The following PTPN13 variants were observed in gnomAD, a reference collection of about 807,000 sequenced individuals.
The protein encoded by PTPN13 is tyrosine-protein phosphatase non-receptor type 13.
In PTPN13, 191 loss-of-function variants were observed where a neutral mutation model predicts 284.0. The observed-to-expected ratio is 0.67, with a 90% CI of 0.60 to 0.76. The LOEUF is 0.76. PTPN13 is among the 30% of genes least tolerant of loss of function. The probability of loss-of-function intolerance (pLI) is 0.00; values close to 1 mark genes in which losing one functional copy is unlikely to be tolerated. For synonymous variants in PTPN13, 986 were observed against 1,022.3 expected (o/e 0.96, Z 0.68); for missense variants, 2,797 against 2,939.9 (o/e 0.95, Z 1.12).
chr4:86,632,506 T>G (rs1314702061), intron 1 of PTPN13, among the ~76,000 whole-genome samples: 2 of 152,154 alleles, frequency 1.3e-5, no homozygotes, highest in African/African-American at 4.8e-5. Flanking sequence ...TCACTGGAAC[T>G]ACACTACATG....
At chr4:86,776,050 G>A (rs1481570282) in intron 35 of PTPN13, among the ~76,000 whole-genome samples, 2 of 152,090 alleles carry the variant, frequency 1.3e-5, no homozygotes, top group Admixed American at 1.3e-4. Flanking sequence ...GATTCAAGCA[G>A]ATCTCCTGCC....
intron 7 of PTPN13, 146 bp from the exon 8 acceptor site, chr4:86,716,384 C>T (rs1458822566): frequency 1.2e-5 from 7 of 571,352 alleles, no homozygotes; most frequent in Non-Finnish European, 1.8e-5. Flanking sequence ...ATTATTGGAA[C>T]GCATTATTTG....
At position 86,732,545 on chromosome 4, in the gene PTPN13, C is replaced by G. The variant is rs140845604; in HGVS notation, c.1684-47C>G. ...GTAGTGTTAAAAACCAGTTAAAATT[C>G]TTATAATGCTTATTTTAATAAATGC... is the stretch of plus-strand genomic sequence containing the variant. On this transcript the variant is annotated intron_variant, in intron 11 of 47. Transcript: ENST00000411767. 1.7e-4 allele frequency: 274 copies of G among 1,594,206 alleles called. 1 individual carries two copies. In the African/African-American group the frequency reaches 3.4e-3, roughly 20 times the overall value.
At chr4:86,678,522 C>G (rs1261252954) in intron 3 of PTPN13, among the ~76,000 whole-genome samples, 1 of 152,156 alleles carries the variant, frequency 6.6e-6, no homozygotes, top group Non-Finnish European at 1.5e-5. Flanking sequence ...ATCTCTAGCA[C>G]CATGCTCTTG....
rs1490298951 is a variant in PTPN13 at position 86,766,454 on chromosome 4, T to C, written c.4266T>C (p.Asn1422=). Residue 1422 remains asparagine (N), a synonymous_variant, in exon 27 of 48, where the codon AAT becomes AAC. Transcript: ENST00000411767. The part of the protein sequence containing the change: ...IHKGDRVLAV[N]GVSLEGATHK... ...TAGGTGATCGCGTCCTAGCTGTCAA[T>C]GGAGTTAGTCTAGAAGGAGCCACCC... 1 of 1,609,258 alleles carries C rather than the reference T, an allele frequency of 6.2e-7. No individual in the cohort carries two copies. Among genetic ancestry groups the C allele is most frequent in the Admixed American group, 1.7e-5 (1 of 58,678 alleles).
At chr4:86,751,947 A>G (rs1339456372) in intron 19 of PTPN13, among the ~76,000 whole-genome samples, 3 of 146,658 alleles carry the variant, frequency 2.0e-5, no homozygotes, top group Admixed American at 6.9e-5. Context: ...GTGTGTGTGC[A>G]TGCACATGTG....
intron 37 of PTPN13, 63 bp from the exon 38 acceptor site, chr4:86,784,402 G>A: frequency 9.3e-7 from 1 of 1,070,810 alleles, no homozygotes; most frequent in Non-Finnish European, 1.4e-6. Flanking sequence ...ACAATGTGCA[G>A]TCCCCCGATC....
intron 9 of PTPN13, among the ~76,000 whole-genome samples, chr4:86,717,771 G>A (rs938794492): frequency 6.6e-6 from 1 of 152,070 alleles, no homozygotes; most frequent in Non-Finnish European, 1.5e-5. Flanking sequence ...TTGAAAGGTT[G>A]GAATAGTCTC....
intron 47 of PTPN13, among the ~76,000 whole-genome samples, chr4:86,813,449 G>A (rs1565645114): frequency 1.3e-5 from 2 of 152,062 alleles, no homozygotes; most frequent in Admixed American, 6.6e-5. Context: ...TGGTTTGTTT[G>A]TTTGTTTGTT....
At chr4:86,635,115 C>G in intron 1 of PTPN13, 137 bp from the exon 2 acceptor site, 2 of 948,212 alleles carry the variant, frequency 2.1e-6, no homozygotes, top group Non-Finnish European at 3.1e-6. Context: ...TTTAAGATAA[C>G]ATTTAGATTG....
intron 3 of PTPN13, among the ~76,000 whole-genome samples, chr4:86,686,403 T>C (rs1729462605): frequency 6.6e-6 from 1 of 152,200 alleles, no homozygotes; most frequent in East Asian, 1.9e-4. Context: ...TCTGACCTTT[T>C]ATGAAAGGAG....
At chr4:86,595,753 G>A (rs1406255426) in intron 1 of PTPN13, 20 of 985,780 alleles carry the variant, frequency 2.0e-5, no homozygotes, top group Non-Finnish European at 2.4e-5. Context: ...TGAACAAAAT[G>A]TAGGACACCT....
chr4:86,734,676 A>G (rs963659821), intron 13 of PTPN13, 61 bp from the exon 14 acceptor site: 15 of 1,549,056 alleles, frequency 9.7e-6, no homozygotes, highest in East Asian at 2.3e-5. Context: ...TGCCTATAAT[A>G]AAAACCACCC....
chr4:86,774,448 A>C lies in PTPN13; in HGVS notation c.5425A>C (p.Arg1809=). ...TTTTACAGTAACCAAAGGCAATCAGAGAATTGGTTGTTATGTTCATGATGT... is the reference window on the plus strand; with the variant it reads ...TTTTACAGTAACCAAAGGCAATCAGCGAATTGGTTGTTATGTTCATGATGT... ...LGFTVTKGNQ[R]IGCYVHDVIQ... The change falls in exon 33 of 48, where the codon AGA becomes CGA. Residue 1809 remains arginine (R), a synonymous_variant. Transcript: ENST00000411767. The C allele has an allele frequency of 6.2e-7, 1 of 1,605,730 alleles. No individual in the cohort carries two copies. The highest frequency in any genetic ancestry group is 8.5e-7 in the Non-Finnish European group (1 of 1,175,682).
At chr4:86,702,355 C>A (rs1490976199) in intron 7 of PTPN13, among the ~76,000 whole-genome samples, 1 of 152,152 alleles carries the variant, frequency 6.6e-6, no homozygotes, top group African/African-American at 2.4e-5. Flanking sequence ...CCTTTTGAAT[C>A]ATAGTACATT....
chr4:86,676,021 G>C (rs1017482063), intron 3 of PTPN13, among the ~76,000 whole-genome samples: 6 of 152,140 alleles, frequency 3.9e-5, no homozygotes, highest in South Asian at 2.1e-4. Context: ...ATCATCTTTA[G>C]AAAGACAATA....
chr4:86,713,081 G>A (rs1732621164), intron 7 of PTPN13, among the ~76,000 whole-genome samples: 1 of 151,972 alleles, frequency 6.6e-6, no homozygotes, highest in Non-Finnish European at 1.5e-5. Context: ...TTGTAACAAG[G>A]CATAACATCC....
chr4:86,734,774 C>A lies in PTPN13; in HGVS notation c.2050C>A (p.Arg684=), dbSNP rs751038826. The stretch of plus-strand genomic sequence containing the variant: ...GTGTCATCAGTATTACCTTCAGCTT[C>A]GAAAAGATATTTTGGAGGAAAGGAT... ...LTCHQYYLQL[R]KDILEERMHC... Residue 684 remains arginine, a synonymous_variant, in exon 14 of 48, where the codon CGA becomes AGA. Transcript: ENST00000411767. 4.3e-6 allele frequency: 7 copies of A among 1,613,088 alleles called. No homozygotes were observed. In the South Asian group the frequency reaches 7.7e-5, roughly 18 times the overall value.
chr4:86,693,071 TAAAA>T (rs34543988), intron 5 of PTPN13, among the ~76,000 whole-genome samples: 4 of 112,288 alleles, frequency 3.6e-5, no homozygotes, highest in Non-Finnish European at 5.5e-5. Flanking sequence ...CCGTTATATT[TAAAA>T]AAAAAAAAAA....
Sources: gnomAD v4.1 joint callset for allele counts (sites outside exome capture counted in the v4.1 genomes callset) on GRCh38, gnomAD v4.1.1 for gene constraint, MANE v1.5 for transcripts, NCBI Gene and HGNC (gene_info 2026-07-23, HGNC 2026-07-21) for gene names.